The following PCDH15 variants were observed in gnomAD, a reference collection of about 807,000 sequenced individuals.
PCDH15 encodes the protein protocadherin related 15.
PCDH15 carries 129 observed loss-of-function variants against 178.5 expected under a neutral mutation model. The observed-to-expected ratio is 0.72, with a 90% CI of 0.63 to 0.84. PCDH15 has a LOEUF of 0.84. Ranked by LOEUF, PCDH15 falls within the 40% of genes least tolerant of loss-of-function variation. The probability of loss-of-function intolerance (pLI) is 0.00; values close to 1 mark genes in which losing one functional copy is unlikely to be tolerated. For synonymous variants in PCDH15, 800 were observed against 732.0 expected, an observed-to-expected ratio of 1.09 and a Z score of -1.50; for missense variants, 2,230 against 2,099.9, an observed-to-expected ratio of 1.06 and a Z score of -1.21.
chr10:53,875,778 A>G (rs988252186), intron 26 of PCDH15, among the ~76,000 whole-genome samples: 1 of 152,206 alleles, frequency 6.6e-6, no homozygotes, highest in Non-Finnish European at 1.5e-5. Context: ...ACAGATGTAC[A>G]ACATTAAAAG....
intron 3 of PCDH15, among the ~76,000 whole-genome samples, chr10:54,406,819 A>C (rs1490371102): frequency 1.3e-5 from 2 of 152,114 alleles, no homozygotes; most frequent in Non-Finnish European, 2.9e-5. Flanking sequence ...AGAAGAAAAC[A>C]GGGGATTATC....
chr10:54,604,621 A>G (rs1325584799), intron 2 of PCDH15, among the ~76,000 whole-genome samples: 1 of 151,998 alleles, frequency 6.6e-6, no homozygotes, highest in Non-Finnish European at 1.5e-5. Context: ...TGCATAAAAT[A>G]TATATTTTTC....
chr10:54,797,518 ACACACAC>A (rs1564492669), intron 1 of PCDH15, among the ~76,000 whole-genome samples: 8 of 71,920 alleles, frequency 1.1e-4, no homozygotes, highest in Admixed American at 1.0e-3. Flanking sequence ...ACACACACAC[ACACACAC>A]ACACACACAC....
At chr10:54,469,896 G>A (rs188297036) in intron 3 of PCDH15, among the ~76,000 whole-genome samples, 1 of 152,148 alleles carries the variant, frequency 6.6e-6, no homozygotes, top group Non-Finnish European at 1.5e-5. Context: ...ATACATGCGG[G>A]TACTAGCTGT....
At chr10:53,874,934 T>C (rs534505241) in intron 26 of PCDH15, among the ~76,000 whole-genome samples, 1 of 151,874 alleles carries the variant, frequency 6.6e-6, no homozygotes, top group Non-Finnish European at 1.5e-5. Context: ...TACCCCAAGA[T>C]GGGATTGTTA....
At chr10:54,454,492 T>C (rs115945266) in intron 3 of PCDH15, among the ~76,000 whole-genome samples, 2 of 149,966 alleles carry the variant, frequency 1.3e-5, no homozygotes, top group Admixed American at 1.3e-4. Flanking sequence ...TAATATTTAA[T>C]AAATATTAAT....
At chr10:54,186,321 G>T (rs2048470631) in intron 11 of PCDH15, among the ~76,000 whole-genome samples, 1 of 151,846 alleles carries the variant, frequency 6.6e-6, no homozygotes, top group African/African-American at 2.4e-5. Flanking sequence ...CAAGAGCAAA[G>T]AATAGAAAAT....
At chr10:55,464,008 A>G (rs1230105186) in intron 2 of PCDH15, among the ~76,000 whole-genome samples, 3 of 105,706 alleles carry the variant, frequency 2.8e-5, no homozygotes, top group Non-Finnish European at 2.0e-5. Flanking sequence ...AAAGAAAGAA[A>G]GAAAGAAAGA....
At chr10:55,453,663 C>G (rs1231538386) in intron 2 of PCDH15, among the ~76,000 whole-genome samples, 2 of 152,118 alleles carry the variant, frequency 1.3e-5, no homozygotes, top group Non-Finnish European at 2.9e-5. Context: ...TACAATTCCT[C>G]TAGATGATAA....
intron 15 of PCDH15, among the ~76,000 whole-genome samples, chr10:54,106,211 T>A (rs2094915506): frequency 6.6e-6 from 1 of 152,198 alleles, no homozygotes; most frequent in Non-Finnish European, 1.5e-5. Context: ...GTTGAACAAC[T>A]ACGTGAATAT....
chr10:55,581,575 T>G (rs1842615117), intron 2 of PCDH15, among the ~76,000 whole-genome samples: 1 of 152,074 alleles, frequency 6.6e-6, no homozygotes, highest in Non-Finnish European at 1.5e-5. Flanking sequence ...AATAGTGGAC[T>G]GCATCACATA....
At chr10:54,116,860 TTCA>T (rs2095122403) in intron 15 of PCDH15, among the ~76,000 whole-genome samples, 1 of 152,210 alleles carries the variant, frequency 6.6e-6, no homozygotes, top group Admixed American at 6.5e-5. Flanking sequence ...TCTTTTGTAT[TTCA>T]TTTTTCTAGT....
At chr10:54,449,887 A>C in intron 3 of PCDH15, among the ~76,000 whole-genome samples, 1 of 151,662 alleles carries the variant, frequency 6.6e-6, no homozygotes, top group East Asian at 1.9e-4. Context: ...ATACTGAGAG[A>C]CAAACATACA....
chr10:55,614,048 A>G (rs1843426003), intron 2 of PCDH15, among the ~76,000 whole-genome samples: 2 of 151,778 alleles, frequency 1.3e-5, no homozygotes, highest in Non-Finnish European at 2.9e-5. Context: ...GGGGAGACGG[A>G]GCTTGCAGTG....
chr10:54,421,914 A>ATATATATATACACTATATATATACAC (rs1565232265), intron 3 of PCDH15, among the ~76,000 whole-genome samples: 21 of 20,676 alleles, frequency 1.0e-3, no homozygotes, highest in Non-Finnish European at 2.2e-3. Flanking sequence ...TATATACACT[A>ATATATATATACACTATATATATACAC]TATATATATA....
At chr10:55,276,084 T>C (rs1842588490) in intron 1 of PCDH15, among the ~76,000 whole-genome samples, 1 of 151,146 alleles carries the variant, frequency 6.6e-6, no homozygotes, top group African/African-American at 2.4e-5. Context: ...ACATGTTGAT[T>C]TTTGCATTTA....
intron 2 of PCDH15, among the ~76,000 whole-genome samples, chr10:55,547,921 G>GAGAGAGAGAGAT (rs1841923837): frequency 6.9e-6 from 1 of 145,102 alleles, no homozygotes; most frequent in Non-Finnish European, 1.5e-5. Context: ...GAGAGAGAGA[G>GAGAGAGAGAGAT]AGAGAGAGAG....
At chr10:55,047,862 T>G (rs1841051608) in intron 2 of PCDH15, among the ~76,000 whole-genome samples, 1 of 151,858 alleles carries the variant, frequency 6.6e-6, no homozygotes. Context: ...AGCAGGAAAT[T>G]TATTTTCTTT....
chr10:55,574,206 C>T (rs1450962020), intron 2 of PCDH15, among the ~76,000 whole-genome samples: 1 of 151,980 alleles, frequency 6.6e-6, no homozygotes, highest in African/African-American at 2.4e-5. Flanking sequence ...ATAGTTTTCT[C>T]TATTACAGAA....
Sources: allele counts gnomAD v4.1 joint callset (sites outside exome capture counted in the v4.1 genomes callset), GRCh38; gene constraint gnomAD v4.1.1; transcripts MANE v1.5; gene names NCBI Gene and HGNC (gene_info 2026-07-23, HGNC 2026-07-21).